Variants in CYP3A7 observed in about 807,000 individuals in gnomAD.
CYP3A7 encodes the protein cytochrome P450 family 3 subfamily A member 7, also known as cytochrome P450 3A7.
CYP3A7 carries 45 observed loss-of-function variants against 55.2 expected under a neutral mutation model. The ratio of observed to expected loss-of-function variants is 0.82; its 90% CI spans 0.64 to 1.05. The LOEUF is 1.05. Ranked by LOEUF, CYP3A7 falls within the 50% of genes least tolerant of loss-of-function variation. The pLI is 0.00. For synonymous variants in CYP3A7, 180 were observed against 207.4 expected (o/e 0.87, Z 1.13); for missense variants, 548 against 605.3 (o/e 0.91, Z 0.99).
At chr7:99,722,490 G>C in intron 2 of CYP3A7, 142 bp from the exon 3 acceptor site, 2 of 1,024,884 alleles carry the variant, frequency 2.0e-6, no homozygotes, top group Non-Finnish European at 2.8e-6. Context: ...TGTCATAAGA[G>C]AAAGGAAACA....
At chr7:99,705,653 T>C (rs1813493952) in intron 12 of CYP3A7, 58 bp from the exon 13 acceptor site, 1 of 1,596,594 alleles carries the variant, frequency 6.3e-7, no homozygotes, top group Non-Finnish European at 8.6e-7. Context: ...GTAGAAAGTA[T>C]AGCATCAAAG....
intron 3 of CYP3A7, among the ~76,000 whole-genome samples, chr7:99,721,953 C>T (rs1814217299): frequency 6.6e-6 from 1 of 152,212 alleles, no homozygotes; most frequent in South Asian, 2.1e-4. Context: ...TGCCCAGCAA[C>T]TGCCTGTCCA....
At chr7:99,710,691 G>T (rs772057042) in intron 10 of CYP3A7, 41 bp downstream of exon 10, 1 of 1,613,336 alleles carries the variant, frequency 6.2e-7, no homozygotes, top group Non-Finnish European at 8.5e-7. Flanking sequence ...CTTTGCTAAG[G>T]CTTCACCTCC....
chr7:99,715,479 G>A (rs1813905822), intron 7 of CYP3A7: 1 of 445,902 alleles, frequency 2.2e-6, no homozygotes, highest in South Asian at 2.2e-5. Flanking sequence ...TCTATGAAGT[G>A]TCCAGAATAG....
At position 99,707,829 on chromosome 7, in the gene CYP3A7, G is replaced by C. The variant is rs377056156; in HGVS notation, c.1399C>G (p.Pro467Ala). Residue 467 changes from proline (P) to alanine (A), a missense_variant, in exon 12 of 13, where the codon CCT becomes GCT. Physicochemically the swap from Pro to Ala is conservative, Grantham distance 27. Coordinates refer to ENST00000336374, the MANE Select transcript of CYP3A7 (RefSeq NM_000765.5). ...VRVLQNFSFKPCKETQIPLKL... is the reference protein window; with the variant it reads ...VRVLQNFSFKACKETQIPLKL... Reference sequence around the variant, plus strand: ...TGACTGACCTGTGTTTCTTTACAAGGTTTGAAGGAGAAGTTCTGAAGGACT... The same window carrying C: ...TGACTGACCTGTGTTTCTTTACAAGCTTTGAAGGAGAAGTTCTGAAGGACT... The C allele has an allele frequency of 6.2e-7, 1 of 1,613,870 alleles. No individual in the cohort carries two copies. Among genetic ancestry groups the C allele is most frequent in the South Asian group, 1.1e-5 (1 of 91,082 alleles).
intron 4 of CYP3A7, among the ~76,000 whole-genome samples, chr7:99,718,994 A>T (rs1278066741): frequency 6.6e-6 from 1 of 152,246 alleles, no homozygotes; most frequent in Admixed American, 6.5e-5. Context: ...GCTAAAAGCA[A>T]TCAGAGAAAA....
At chr7:99,708,985 G>A (rs776136637) in intron 11 of CYP3A7, 50 bp downstream of exon 11, 6 of 1,593,344 alleles carry the variant, frequency 3.8e-6, no homozygotes, top group Admixed American at 3.3e-5. Flanking sequence ...GGCAGAATAT[G>A]CTTGAACCAG....
intron 7 of CYP3A7, 102 bp from the exon 8 acceptor site, chr7:99,714,784 A>G (rs913049450): frequency 2.6e-6 from 4 of 1,544,214 alleles, no homozygotes; most frequent in Non-Finnish European, 3.5e-6. Flanking sequence ...AGTGAAATAC[A>G]TCAGTGTTCT....
At chr7:99,714,921 A>T (rs1435909880) in intron 7 of CYP3A7, among the ~76,000 whole-genome samples, 1 of 152,186 alleles carries the variant, frequency 6.6e-6, no homozygotes, top group Non-Finnish European at 1.5e-5. Context: ...CATCTTTTGA[A>T]TGATGAAAGG....
Position 99,717,659 on chromosome 7 carries a change from G to T in CYP3A7, c.319-20C>A, listed in dbSNP as rs772759971. On this transcript the variant is annotated intron_variant, in intron 4 of 12. Transcript: ENST00000336374. Reference sequence around the variant, plus strand: ...GAAAGGCTAGAGTTCAAAGCAGAAAGATTTTGTCCTACATCAGTTGTGGAG... The same window carrying T: ...GAAAGGCTAGAGTTCAAAGCAGAAATATTTTGTCCTACATCAGTTGTGGAG... The T allele has an allele frequency of 1.2e-6, 2 of 1,612,564 alleles. No homozygotes were observed. The highest frequency in any genetic ancestry group is 1.3e-5 in the African/African-American group (1 of 74,864).
chr7:99,725,755 C>T (rs1194242694), intron 2 of CYP3A7, among the ~76,000 whole-genome samples: 2 of 152,212 alleles, frequency 1.3e-5, no homozygotes, highest in African/African-American at 4.8e-5. Flanking sequence ...GCTACCCGAT[C>T]ACCTCGGAAG....
At chr7:99,706,493 A>G (rs1813528092) in intron 12 of CYP3A7, among the ~76,000 whole-genome samples, 1 of 152,220 alleles carries the variant, frequency 6.6e-6, no homozygotes, top group Non-Finnish European at 1.5e-5. Context: ...TTCCTCTTCT[A>G]TGTAGAAAGC....
rs45460091 is a variant in CYP3A7 at position 99,707,727 on chromosome 7, G to A, written c.1416+85C>T. The A allele has an allele frequency of 3.6e-3, 5,588 of 1,571,190 alleles. 173 individuals carry two copies. The African/African-American group carries it at 0.065, about 18-fold the overall frequency. On this transcript the variant is annotated intron_variant, in intron 12 of 12. Coordinates refer to ENST00000336374, the MANE Select transcript of CYP3A7 (RefSeq NM_000765.5). Reference sequence around the variant, plus strand: ...ATAGAACAAATTATTAAAAGATTAAGTGAGTGTATTCTTTTTTAAATATAT... The same window carrying A: ...ATAGAACAAATTATTAAAAGATTAAATGAGTGTATTCTTTTTTAAATATAT...
At chr7:99,724,584 G>T (rs1484696671) in intron 2 of CYP3A7, among the ~76,000 whole-genome samples, 1 of 151,536 alleles carries the variant, frequency 6.6e-6, no homozygotes, top group East Asian at 1.9e-4. Flanking sequence ...TCCTCACCAG[G>T]CCAAGCCAGG....
intron 2 of CYP3A7, among the ~76,000 whole-genome samples, chr7:99,729,769 A>G (rs114096130): frequency 0.011 from 1,610 of 151,974 alleles, 33 homozygotes; most frequent in African/African-American, 0.037. Flanking sequence ...ACCACCTTTA[A>G]CTGTAACTTT....
chr7:99,710,736 T>C lies in CYP3A7; in HGVS notation c.1022A>G (p.Asn341Ser), dbSNP rs768135942. ...VQKEIDTVLPNKAPPTYDTVL... is the reference protein window; with the variant it reads ...VQKEIDTVLPSKAPPTYDTVL... The stretch of plus-strand genomic sequence containing the variant: ...CTCCATGTACTGTCCACTCACCTTA[T>C]TGGGTAAAACTGTATCAATTTCCTT... Residue 341 changes from asparagine to serine, a missense_variant, in exon 10 of 13, where the codon AAT becomes AGT. Transcript: ENST00000336374. 8.1e-6 allele frequency: 13 copies of C among 1,613,716 alleles called. No homozygotes were observed. The highest frequency in any genetic ancestry group is 1.6e-4 in the Middle Eastern group (1 of 6,078).
At chr7:99,731,713 C>G (rs188468186) in intron 1 of CYP3A7, among the ~76,000 whole-genome samples, 1 of 152,154 alleles carries the variant, frequency 6.6e-6, no homozygotes, top group Non-Finnish European at 1.5e-5. Flanking sequence ...AGGATCTGGC[C>G]CTTCTTAAAC....
intron 3 of CYP3A7, 67 bp downstream of exon 3, chr7:99,722,229 C>T: frequency 6.3e-7 from 1 of 1,599,308 alleles, no homozygotes; most frequent in South Asian, 1.1e-5. Context: ...TGAGACTATC[C>T]TCTGTGCAGT....
chr7:99,708,120 A>T (rs1813591900), intron 11 of CYP3A7, 146 bp from the exon 12 acceptor site: 4 of 1,103,462 alleles, frequency 3.6e-6, no homozygotes, highest in Admixed American at 2.2e-5. Flanking sequence ...CCTGCTATGC[A>T]TATTTTGCTA....
Sources: gnomAD v4.1 joint callset for allele counts (sites outside exome capture counted in the v4.1 genomes callset) on GRCh38, gnomAD v4.1.1 for gene constraint, MANE v1.5 for transcripts, NCBI Gene and HGNC (gene_info 2026-07-23, HGNC 2026-07-21) for gene names.